The following AGPAT4 variants were observed in gnomAD, a reference collection of about 807,000 sequenced individuals.
AGPAT4 encodes the protein 1-acyl-sn-glycerol-3-phosphate acyltransferase delta.
Under a neutral mutation model 48.0 loss-of-function variants are expected in AGPAT4, and 15 were observed. The observed-to-expected ratio is 0.31, with a 90% CI of 0.21 to 0.48. The LOEUF is 0.48. Among genes scored for constraint, AGPAT4 ranks in the 20% least tolerant of loss-of-function variants. AGPAT4 has a pLI of 0.99. For missense variants in AGPAT4, 314 were observed against 482.5 expected (o/e 0.65, Z 3.27); for synonymous variants, 178 against 198.7 (o/e 0.90, Z 0.88).
rs3823057 is a variant in AGPAT4, at chr6:161,130,821, C to T, written c.*5719G>A. 0.056 allele frequency: 28,908 copies of T among 518,552 alleles called. 1,028 individuals are homozygous for T. The highest frequency in any genetic ancestry group is 0.095 in the African/African-American group (4,938 of 52,062). The allele number at this position is 518,552 out of a possible 1,614,324, so 32.1% of individuals were successfully genotyped here. A position where few individuals can be genotyped will look rare whatever the true frequency, so the allele number is the denominator to read the frequency against. On this transcript the variant is annotated 3_prime_UTR_variant, in exon 9 of 9. Coordinates refer to ENST00000320285, the MANE Select transcript of AGPAT4 (RefSeq NM_020133.3). The stretch of plus-strand genomic sequence containing the variant: ...GCAGCGTTGTGACTTAGACACTTTA[C>T]AAGTCTGAGCCATCCCGTACTAGTT...
rs534606573 is a variant in AGPAT4 at position 161,249,961 on chromosome 6, T to G, written c.-89-17659A>C. 6.6e-6 allele frequency among the ~76,000 whole-genome samples: 1 copy of G among 152,184 alleles called. No homozygotes were observed. On this transcript the variant is annotated intron_variant, in intron 1 of 8. Coordinates refer to ENST00000320285, the MANE Select transcript of AGPAT4 (RefSeq NM_020133.3). This position sits in a 1 kb window ranked among gnomAD's most constrained non-coding sequence, Gnocchi z 6.2. ...AATCAACCTCAATGCCCATCAATAG[T>G]AGACTGGATAAAGGAAATGTGGTAC...
intron 1 of AGPAT4, among the ~76,000 whole-genome samples, chr6:161,271,365 G>A (rs1282694163): frequency 6.6e-6 from 1 of 152,182 alleles, no homozygotes; most frequent in African/African-American, 2.4e-5. Context: ...CTCCTTGACT[G>A]GCTGTTGCCT....
In AGPAT4 at chr6:161,135,395, C is replaced by G. The variant is rs560776366; in HGVS notation, c.*1145G>C. The G allele has an allele frequency of 6.6e-6, 1 of 152,222 alleles. No homozygotes were observed. The highest frequency in any genetic ancestry group is 1.5e-5 in the Non-Finnish European group (1 of 68,034). The allele number at this position is 152,222 out of a possible 1,614,324, so 9.4% of individuals were successfully genotyped here. On this transcript the variant is annotated 3_prime_UTR_variant, in exon 9 of 9. Transcript: ENST00000320285. The stretch of plus-strand genomic sequence containing the variant: ...TCTTCTTCTTTTGCATTTTTGGCAC[C>G]TGTTGGCTGACAGCAGTCTGCAAAG...
In AGPAT4 at chr6:161,220,546, G is replaced by C. The variant is rs1367650295; in HGVS notation, c.178+11490C>G. ...AGTTCCTCAAGCAGAGCAAGTAGAG[G>C]AACCAAAGACTTGTTGCCCTCTTTT... On this transcript the variant is annotated intron_variant, in intron 2 of 8. Coordinates refer to ENST00000320285, the MANE Select transcript of AGPAT4 (RefSeq NM_020133.3). This position sits in a 1 kb window ranked among gnomAD's most constrained non-coding sequence, Gnocchi z 6.0. Among the ~76,000 whole-genome samples the C allele has an allele frequency of 6.6e-6, 1 of 152,140 alleles. No individual in the cohort carries two copies. Among genetic ancestry groups the C allele is most frequent in the African/African-American group, 2.4e-5 (1 of 41,428 alleles).
rs1278712048 is a variant in AGPAT4, at chr6:161,136,275, A to C, written c.*265T>G. On this transcript the variant is annotated 3_prime_UTR_variant, in exon 9 of 9. Coordinates refer to ENST00000320285, the MANE Select transcript of AGPAT4 (RefSeq NM_020133.3). Reference sequence around the variant, plus strand: ...TACCCTTTCTATGATCACAGAACAAAGTTCACACTCACCACACAGCCATTC... The same window carrying C: ...TACCCTTTCTATGATCACAGAACAACGTTCACACTCACCACACAGCCATTC... 4.1e-6 allele frequency: 2 copies of C among 485,652 alleles called. No individual in the cohort carries two copies. The highest frequency in any genetic ancestry group is 3.9e-5 in the African/African-American group (2 of 51,248). 30.1% of individuals were successfully genotyped at this position (485,652 alleles called of 1,614,324 possible).
rs1782613822 is a variant in AGPAT4 at position 161,245,138 on chromosome 6, T to C, written c.-89-12836A>G. On this transcript the variant is annotated intron_variant, in intron 1 of 8. Coordinates refer to ENST00000320285, the MANE Select transcript of AGPAT4 (RefSeq NM_020133.3). The surrounding 1 kb of genome is among the most constrained non-coding windows in gnomAD (Gnocchi z 5.2). ...CGAGAAATTGCGACTCTATTCATGGTGGAATAAATAAATGCAGCAGGGGAG... is the reference window on the plus strand; with the variant it reads ...CGAGAAATTGCGACTCTATTCATGGCGGAATAAATAAATGCAGCAGGGGAG... Among the ~76,000 whole-genome samples the C allele has an allele frequency of 6.6e-6, 1 of 152,146 alleles. No homozygotes were observed. Among genetic ancestry groups the C allele is most frequent in the Non-Finnish European group, 1.5e-5 (1 of 68,026 alleles).
At position 161,223,646 on chromosome 6, in the gene AGPAT4, T is replaced by C. The variant is rs1781889322; in HGVS notation, c.178+8390A>G. Among the ~76,000 whole-genome samples the C allele has an allele frequency of 6.6e-6, 1 of 152,182 alleles. No individual in the cohort carries two copies. On this transcript the variant is annotated intron_variant, in intron 2 of 8. Transcript: ENST00000320285. The surrounding 1 kb of genome is among the most constrained non-coding windows in gnomAD (Gnocchi z 6.3). ...TTAATGAGTATGCTTCTCTTTTTAT[T>C]CCATAGCCCCGTGGAGTGGCACCTC...
At chr6:161,174,064 T>C (rs1583302401) in intron 2 of AGPAT4, among the ~76,000 whole-genome samples, 2 of 152,332 alleles carry the variant, frequency 1.3e-5, no homozygotes, top group Admixed American at 1.3e-4. Context: ...TAGTACAGTT[T>C]GAAGTCAGGT....
In AGPAT4 at chr6:161,223,096, C is replaced by G. The variant is rs542294529; in HGVS notation, c.178+8940G>C. On this transcript the variant is annotated intron_variant, in intron 2 of 8. Coordinates refer to ENST00000320285, the MANE Select transcript of AGPAT4 (RefSeq NM_020133.3). The surrounding 1 kb of genome is among the most constrained non-coding windows in gnomAD (Gnocchi z 6.3). The stretch of plus-strand genomic sequence containing the variant: ...CCTGCACTCCCTGTGTACCTCCAGT[C>G]TAATCATCAACTCACTGCTCTACCA... Among the ~76,000 whole-genome samples the G allele has an allele frequency of 2.0e-5, 3 of 152,150 alleles. No homozygotes were observed. The highest frequency in any genetic ancestry group is 7.2e-5 in the African/African-American group (3 of 41,434).
intron 1 of AGPAT4, among the ~76,000 whole-genome samples, chr6:161,271,836 G>T (rs746767946): frequency 2.0e-5 from 3 of 152,152 alleles, no homozygotes; most frequent in Admixed American, 1.3e-4. Context: ...TTTACATGCT[G>T]TCAATCTGCT....
In AGPAT4 at chr6:161,135,231, T is replaced by C. The variant is rs1446434243; in HGVS notation, c.*1309A>G. 6.6e-6 allele frequency: 1 copy of C among 152,284 alleles called. No individual in the cohort carries two copies. Among genetic ancestry groups the C allele is most frequent in the Non-Finnish European group, 1.5e-5 (1 of 68,060 alleles). 9.4% of individuals were successfully genotyped at this position (152,284 alleles called of 1,614,324 possible). ...CACAGGCAGCTTTTCTCAGCAACTTTCAGCTGCGCACCTGGAGAAAGACAT... is the reference window on the plus strand; with the variant it reads ...CACAGGCAGCTTTTCTCAGCAACTTCCAGCTGCGCACCTGGAGAAAGACAT... On this transcript the variant is annotated 3_prime_UTR_variant, in exon 9 of 9. Coordinates refer to ENST00000320285, the MANE Select transcript of AGPAT4 (RefSeq NM_020133.3).
rs559840119 is a variant in AGPAT4 at position 161,242,926 on chromosome 6, G to A, written c.-89-10624C>T. Among the ~76,000 whole-genome samples, 8 of 152,038 alleles carry A rather than the reference G, an allele frequency of 5.3e-5. No homozygotes were observed. The South Asian group carries it at 1.5e-3, about 28-fold the overall frequency. On this transcript the variant is annotated intron_variant, in intron 1 of 8. Transcript: ENST00000320285. This position sits in a 1 kb window ranked among gnomAD's most constrained non-coding sequence, Gnocchi z 5.0. ...CTACTAAGAACACAAAAATTAGCCGGGCGTGGTGGCACGTGCCTCCCAGCT... is the reference window on the plus strand; with the variant it reads ...CTACTAAGAACACAAAAATTAGCCGAGCGTGGTGGCACGTGCCTCCCAGCT...
At position 161,158,100 on chromosome 6, in the gene AGPAT4, G is replaced by C. The variant is rs1340442067; in HGVS notation, c.349-3790C>G. ...TTATTCAACCCATTTTCTCTGCCAT[G>C]CTTTAGCGTAATAGTAACAACAATA... On this transcript the variant is annotated intron_variant, in intron 3 of 8. Coordinates refer to ENST00000320285, the MANE Select transcript of AGPAT4 (RefSeq NM_020133.3). The surrounding 1 kb of genome is among the most constrained non-coding windows in gnomAD (Gnocchi z 5.3). Among the ~76,000 whole-genome samples, 1 of 152,204 alleles carries C rather than the reference G, an allele frequency of 6.6e-6. No individual in the cohort carries two copies. The highest frequency in any genetic ancestry group is 1.5e-5 in the Non-Finnish European group (1 of 68,036).
At position 161,226,345 on chromosome 6, in the gene AGPAT4, A is replaced by C. The variant is rs1357899723; in HGVS notation, c.178+5691T>G. Reference sequence around the variant, plus strand: ...GCTTAGATTGAATTGAAATGAGAAAAAGCAGCCCTGTCATTAATCAGGCAG... The same window carrying C: ...GCTTAGATTGAATTGAAATGAGAAACAGCAGCCCTGTCATTAATCAGGCAG... On this transcript the variant is annotated intron_variant, in intron 2 of 8. Coordinates refer to ENST00000320285, the MANE Select transcript of AGPAT4 (RefSeq NM_020133.3). This position sits in a 1 kb window ranked among gnomAD's most constrained non-coding sequence, Gnocchi z 6.3. Among the ~76,000 whole-genome samples the C allele has an allele frequency of 6.6e-6, 1 of 152,184 alleles. No individual in the cohort carries two copies. Among genetic ancestry groups the C allele is most frequent in the Non-Finnish European group, 1.5e-5 (1 of 68,026 alleles).
rs1004404775 is a variant in AGPAT4, at chr6:161,196,956, C to T, written c.179-30539G>A. Among the ~76,000 whole-genome samples, 1 of 152,112 alleles carries T rather than the reference C, an allele frequency of 6.6e-6. No individual in the cohort carries two copies. Among genetic ancestry groups the T allele is most frequent in the Non-Finnish European group, 1.5e-5 (1 of 68,044 alleles). ...TGGGTGCCCGGAACTGCTCCAGGCA[C>T]TGGGGAAGTCAGCTGTGAACAAGAG... is the stretch of plus-strand genomic sequence containing the variant. On this transcript the variant is annotated intron_variant, in intron 2 of 8. Coordinates refer to ENST00000320285, the MANE Select transcript of AGPAT4 (RefSeq NM_020133.3). The surrounding 1 kb of genome is among the most constrained non-coding windows in gnomAD (Gnocchi z 4.3).
intron 2 of AGPAT4, among the ~76,000 whole-genome samples, chr6:161,230,664 T>C (rs1449701630): frequency 6.6e-6 from 1 of 152,134 alleles, no homozygotes; most frequent in Admixed American, 6.5e-5. Flanking sequence ...GAGACCAATG[T>C]TGAGTGAAGT....
In AGPAT4 at chr6:161,170,277, A is replaced by C. The variant is rs557247688; in HGVS notation, c.179-3860T>G. ...GCTAAACAAGCCCCCACAGCTGAATAAGGCCAATGAGATGATGTCTACATA... is the reference window on the plus strand; with the variant it reads ...GCTAAACAAGCCCCCACAGCTGAATCAGGCCAATGAGATGATGTCTACATA... On this transcript the variant is annotated intron_variant, in intron 2 of 8. Coordinates refer to ENST00000320285, the MANE Select transcript of AGPAT4 (RefSeq NM_020133.3). Among the ~76,000 whole-genome samples, 4 of 152,110 alleles carry C rather than the reference A, an allele frequency of 2.6e-5. No individual in the cohort carries two copies. In the South Asian group the frequency reaches 8.3e-4, roughly 32 times the overall value.
Position 161,221,363 on chromosome 6 carries a change from G to A in AGPAT4, c.178+10673C>T, listed in dbSNP as rs1348574741. ...TTTGAGTTCCTGGATTTAAGAGGTG[G>A]GAAAAAGGATTTCTTGGCCTCGTCC... On this transcript the variant is annotated intron_variant, in intron 2 of 8. Coordinates refer to ENST00000320285, the MANE Select transcript of AGPAT4 (RefSeq NM_020133.3). The surrounding 1 kb of genome is among the most constrained non-coding windows in gnomAD (Gnocchi z 4.5). 6.6e-6 allele frequency among the ~76,000 whole-genome samples: 1 copy of A among 152,034 alleles called. No homozygotes were observed. The highest frequency in any genetic ancestry group is 2.4e-5 in the African/African-American group (1 of 41,384).
chr6:161,172,790 C>A (rs943662742), intron 2 of AGPAT4, among the ~76,000 whole-genome samples: 49 of 151,926 alleles, frequency 3.2e-4, no homozygotes, highest in Admixed American at 1.2e-3. Context: ...CTATCCATCC[C>A]CCTTCCCCCC....
Sources: gnomAD v4.1 joint callset for allele counts (sites outside exome capture counted in the v4.1 genomes callset) on GRCh38, gnomAD v4.1.1 for gene constraint, Gnocchi (gnomAD v3.1) non-coding constraint, MANE v1.5 for transcripts, NCBI Gene and HGNC (gene_info 2026-07-23, HGNC 2026-07-21) for gene names.